The following RFWD3 variants were observed in gnomAD, a reference collection of about 807,000 sequenced individuals.
RFWD3 encodes ring finger and WD repeat domain 3, also known as E3 ubiquitin-protein ligase RFWD3.
Under a neutral mutation model 87.7 loss-of-function variants are expected in RFWD3, and 65 were observed. The ratio of observed to expected loss-of-function variants is 0.74; its 90% CI spans 0.61 to 0.91. The LOEUF (loss-of-function observed/expected upper bound fraction) is 0.91, where lower values mean the gene tolerates loss of function less well. Ranked by LOEUF, RFWD3 falls within the 40% of genes least tolerant of loss-of-function variation. The probability of loss-of-function intolerance (pLI) is 0.00; values close to 1 mark genes in which losing one functional copy is unlikely to be tolerated. For synonymous variants in RFWD3, 433 were observed against 352.8 expected (o/e 1.23, Z -2.55); for missense variants, 1,078 against 938.5 (o/e 1.15, Z -1.94).
At chr16:74,655,880 T>A (rs1454389450) in intron 2 of RFWD3, among the ~76,000 whole-genome samples, 2 of 152,200 alleles carry the variant, frequency 1.3e-5, no homozygotes, top group African/African-American at 4.8e-5. Context: ...CTTATCTGTT[T>A]AGAGTATGTC....
chr16:74,655,731 G>C (rs1428828208), intron 2 of RFWD3, among the ~76,000 whole-genome samples: 1 of 151,220 alleles, frequency 6.6e-6, no homozygotes, highest in Non-Finnish European at 1.5e-5. Flanking sequence ...CACCGTGTTA[G>C]CCAGGATGGT....
At chr16:74,649,574 T>C (rs1960417456) in intron 3 of RFWD3, among the ~76,000 whole-genome samples, 1 of 152,204 alleles carries the variant, frequency 6.6e-6, no homozygotes, top group African/African-American at 2.4e-5. Flanking sequence ...CAAAAACTTC[T>C]GCAACACTGA....
intron 6 of RFWD3, chr16:74,643,845 T>C (rs976861916): frequency 6.2e-6 from 1 of 162,440 alleles, no homozygotes; most frequent in African/African-American, 2.4e-5. Context: ...CCGGCTAATT[T>C]TTTTGTATTT....
chr16:74,656,705 G>A (rs1490583414), intron 2 of RFWD3, among the ~76,000 whole-genome samples: 1 of 152,136 alleles, frequency 6.6e-6, no homozygotes, highest in Non-Finnish European at 1.5e-5. Context: ...CAATCTGCCT[G>A]CTTCAGCCCC....
intron 4 of RFWD3, among the ~76,000 whole-genome samples, chr16:74,648,447 G>A (rs1160899374): frequency 6.6e-6 from 1 of 150,628 alleles, no homozygotes; most frequent in Non-Finnish European, 1.5e-5. Context: ...AAGCCACCGT[G>A]CCCAGCCAAA....
chr16:74,632,689 T>G lies in RFWD3; in HGVS notation c.1427-16A>C, dbSNP rs552108764. 21 of 1,612,846 alleles carry G rather than the reference T, an allele frequency of 1.3e-5. No individual in the cohort carries two copies. The African/African-American group carries it at 1.9e-4, about 14-fold the overall frequency. Reference sequence around the variant, plus strand: ...ACACCAAAGCCTGAAAAAGGCAAAATAGTATGAAATAGATCACTGAAAGTG... The same window carrying G: ...ACACCAAAGCCTGAAAAAGGCAAAAGAGTATGAAATAGATCACTGAAAGTG... On this transcript the variant is annotated splice_polypyrimidine_tract_variant and intron_variant, in intron 8 of 12. Transcript: ENST00000361070.
At chr16:74,637,758 G>T in intron 7 of RFWD3, 98 bp downstream of exon 7, 2 of 850,698 alleles carry the variant, frequency 2.4e-6, no homozygotes, top group Non-Finnish European at 3.8e-6. Context: ...TAAACAACTT[G>T]GCAAATCCTA....
intron 1 of RFWD3, among the ~76,000 whole-genome samples, chr16:74,663,902 G>C (rs1458938661): frequency 6.6e-6 from 1 of 152,152 alleles, no homozygotes; most frequent in East Asian, 1.9e-4. Flanking sequence ...CGCTAAAAGA[G>C]AAGGGCTGGT....
At chr16:74,633,763 A>C (rs1959169427) in intron 8 of RFWD3, among the ~76,000 whole-genome samples, 1 of 152,102 alleles carries the variant, frequency 6.6e-6, no homozygotes, top group South Asian at 2.1e-4. Context: ...CAGCCTGGGC[A>C]ATATGGTGAA....
chr16:74,624,793 T>G (rs962846436), intron 12 of RFWD3, among the ~76,000 whole-genome samples: 1 of 152,130 alleles, frequency 6.6e-6, no homozygotes, highest in Non-Finnish European at 1.5e-5. Flanking sequence ...GATAGGAGAT[T>G]GAGACCAGCT....
At chr16:74,644,839 AT>A in intron 4 of RFWD3, 104 bp from the exon 5 acceptor site, 2 of 1,021,932 alleles carry the variant, frequency 2.0e-6, no homozygotes, top group Non-Finnish European at 2.9e-6. Context: ...AAATGATACA[AT>A]CAAAAGGGCT....
chr16:74,644,054 T>C, intron 6 of RFWD3: 3 of 409,050 alleles, frequency 7.3e-6, no homozygotes, highest in Non-Finnish European at 1.4e-5. Context: ...ACTTATGAGT[T>C]TTCTGTATGG....
At chr16:74,627,261 T>C (rs8050262) in intron 11 of RFWD3, among the ~76,000 whole-genome samples, 65,386 of 152,154 alleles carry the variant, frequency 0.43, 14,576 homozygotes, top group African/African-American at 0.51. Flanking sequence ...CAAATGTGTT[T>C]AATACAGTTG....
chr16:74,630,718 TTA>T, intron 10 of RFWD3, 61 bp downstream of exon 10: 1 of 1,439,950 alleles, frequency 6.9e-7, no homozygotes, highest in South Asian at 1.4e-5. Flanking sequence ...GAAGAGACGA[TTA>T]ACACAATAAT....
intron 1 of RFWD3, among the ~76,000 whole-genome samples, chr16:74,662,826 C>T (rs1961566975): frequency 6.6e-6 from 1 of 151,628 alleles, no homozygotes; most frequent in Non-Finnish European, 1.5e-5. Flanking sequence ...GACCAGAGGT[C>T]AGAGAGACCT....
At chr16:74,628,977 T>C (rs750500794) in intron 10 of RFWD3, among the ~76,000 whole-genome samples, 3 of 150,734 alleles carry the variant, frequency 2.0e-5, no homozygotes, top group Non-Finnish European at 4.4e-5. Flanking sequence ...CTTCTGGAAA[T>C]GGGTTTAGCC....
rs777802762 is a variant in RFWD3 at position 74,626,454 on chromosome 16, A to G, written c.2070T>C (p.Phe690=). ...PICSCQPVHT[F]FGGPTCKLLT... is the part of the protein sequence containing the mutation. ...ATAGTTTGCAAGTAGGTCCTCCAAAAAATGTATGTACAGGCTGGCAGGAGC... is the reference window on the plus strand; with the variant it reads ...ATAGTTTGCAAGTAGGTCCTCCAAAGAATGTATGTACAGGCTGGCAGGAGC... The change falls in exon 12 of 13, where the codon TTT becomes TTC. Residue 690 remains phenylalanine (F), a synonymous_variant. Coordinates refer to ENST00000361070, the MANE Select transcript of RFWD3 (RefSeq NM_018124.4). 5 of 1,614,192 alleles carry G rather than the reference A, an allele frequency of 3.1e-6. No homozygotes were observed. The South Asian group carries it at 5.5e-5, about 18-fold the overall frequency.
At position 74,659,994 on chromosome 16, in the gene RFWD3, G is replaced by A. The variant is rs1481356518; in HGVS notation, c.518+938C>T. ...GCCTAAGCCTGGGGAGGTCGAGGCTGCAGTGAGCTGTGATTGCACCACTGC... is the reference window on the plus strand; with the variant it reads ...GCCTAAGCCTGGGGAGGTCGAGGCTACAGTGAGCTGTGATTGCACCACTGC... On this transcript the variant is annotated intron_variant, in intron 2 of 12. Coordinates refer to ENST00000361070, the MANE Select transcript of RFWD3 (RefSeq NM_018124.4). Among the ~76,000 whole-genome samples, 10 of 152,020 alleles carry A rather than the reference G, an allele frequency of 6.6e-5. No homozygotes were observed. In the East Asian group the frequency reaches 1.2e-3, roughly 18 times the overall value.
chr16:74,664,184 C>T (rs552735719), intron 1 of RFWD3, among the ~76,000 whole-genome samples: 1 of 152,164 alleles, frequency 6.6e-6, no homozygotes, highest in Non-Finnish European at 1.5e-5. Flanking sequence ...CTCCTCGGCT[C>T]AAGCAACCCT....
Sources: allele counts gnomAD v4.1 joint callset (sites outside exome capture counted in the v4.1 genomes callset), GRCh38; gene constraint gnomAD v4.1.1; transcripts MANE v1.5; gene names NCBI Gene and HGNC (gene_info 2026-07-23, HGNC 2026-07-21).